Variants in WDR59 observed in about 807,000 individuals in gnomAD.
The protein encoded by WDR59 is WD repeat domain 59, also known as GATOR2 complex protein WDR59.
A neutral mutation model predicts 131.2 loss-of-function variants in WDR59; 100 were observed. The ratio of observed to expected loss-of-function variants is 0.76; its 90% confidence interval spans 0.65 to 0.90. The LOEUF is 0.90. WDR59 is among the 40% of genes least tolerant of loss of function. The pLI, the probability that WDR59 is intolerant of heterozygous loss-of-function variation, is 0.00. For synonymous variants in WDR59, 601 were observed against 466.2 expected, an observed-to-expected ratio of 1.29 and a Z score of -3.72; for missense variants, 1,203 against 1,262.2, an observed-to-expected ratio of 0.95 and a Z score of 0.71.
rs545755207 is a variant in WDR59 at position 74,965,036 on chromosome 16, C to T, written c.104+737G>A. Among the ~76,000 whole-genome samples, 7 of 152,074 alleles carry T rather than the reference C, an allele frequency of 4.6e-5. No individual in the cohort carries two copies. In the East Asian group the frequency reaches 9.7e-4, roughly 21 times the overall value. On this transcript the variant is annotated intron_variant, in intron 2 of 25. Coordinates refer to ENST00000262144, the MANE Select transcript of WDR59 (RefSeq NM_030581.4). ...CCGAGATCGCGCCACTGCACTCCAGCCTGGGCGACAAGAGCAAAACTCCGT... is the reference window on the plus strand; with the variant it reads ...CCGAGATCGCGCCACTGCACTCCAGTCTGGGCGACAAGAGCAAAACTCCGT...
chr16:74,911,496 G>A (rs713257), intron 14 of WDR59, among the ~76,000 whole-genome samples: 3 of 152,106 alleles, frequency 2.0e-5, no homozygotes, highest in Middle Eastern at 3.4e-3. Flanking sequence ...CAGACTGAAC[G>A]GGTATGAAGA....
In WDR59 at chr16:74,915,894, C is replaced by G. The variant is rs1034412284; in HGVS notation, c.1200G>C (p.Val400=). The change falls in exon 13 of 26, where the codon GTG becomes GTC. Residue 400 remains valine, a synonymous_variant. Transcript: ENST00000262144. Reference sequence around the variant, plus strand: ...CCTCCACATTGACATTCCGGATTTGCACATTGATCAGGGAGAATTCCTGCT... The same window carrying G: ...CCTCCACATTGACATTCCGGATTTGGACATTGATCAGGGAGAATTCCTGCT... The part of the protein sequence containing the change: ...TLQQEFSLIN[V]QIRNVNVEMD... 2 of 1,614,222 alleles carry G rather than the reference C, an allele frequency of 1.2e-6. No individual in the cohort carries two copies. Among genetic ancestry groups the G allele is most frequent in the Non-Finnish European group, 1.7e-6 (2 of 1,180,036 alleles).
intron 10 of WDR59, among the ~76,000 whole-genome samples, chr16:74,918,968 C>T (rs1319156796): frequency 2.0e-5 from 3 of 152,192 alleles, no homozygotes; most frequent in African/African-American, 7.2e-5. Context: ...CGGCTTGTTA[C>T]AAGTGCCACC....
In WDR59 at chr16:74,917,997, A is replaced by C. The variant is rs765986345; in HGVS notation, c.898T>G (p.Tyr300Asp). 4.3e-6 allele frequency: 7 copies of C among 1,613,888 alleles called. No individual in the cohort carries two copies. The highest frequency in any genetic ancestry group is 5.9e-6 in the Non-Finnish European group (7 of 1,179,868). Residue 300 changes from tyrosine (Y) to aspartate (D), a missense_variant, in exon 11 of 26, where the codon TAT (tyrosine) becomes GAT (aspartate). Transcript: ENST00000262144. Reference protein sequence around the residue: ...WRKQKEGSKDYQLVTWSRDQT... With the variant: ...WRKQKEGSKDDQLVTWSRDQT... The stretch of plus-strand genomic sequence containing the variant: ...TCCCGGGACCACGTCACCAGTTGAT[A>C]GTCCTTGGACCCTAGAAATCACCAA...
chr16:74,925,468 C>T (rs577903383), intron 8 of WDR59, among the ~76,000 whole-genome samples: 8 of 146,856 alleles, frequency 5.4e-5, no homozygotes, highest in South Asian at 2.2e-4. Flanking sequence ...TGCTTGAACC[C>T]GGGAGGCAGA....
intron 15 of WDR59, 65 bp from the exon 16 acceptor site, chr16:74,909,722 G>C: frequency 6.4e-7 from 1 of 1,553,926 alleles, no homozygotes; most frequent in Non-Finnish European, 8.7e-7. Context: ...ACAAAATAAA[G>C]ACCCAGTATG....
chr16:74,924,409 C>T (rs999263713), intron 8 of WDR59, among the ~76,000 whole-genome samples: 7 of 152,082 alleles, frequency 4.6e-5, no homozygotes, highest in Non-Finnish European at 7.4e-5. Context: ...TTTTTTTTCC[C>T]ATTTAATCTT....
In WDR59 at chr16:74,909,647, TC is replaced by T; in HGVS notation, c.1495del (p.Asp499ThrfsTer24). On this transcript the variant is annotated frameshift_variant, in exon 16 of 26. Transcript: ENST00000262144. LOFTEE classifies it high-confidence loss of function. ...SCLESFVNQE[D>X]SASSNPFALP... The stretch of plus-strand genomic sequence containing the variant: ...TGCAAACGGGTTGCTGGAAGCGCTG[TC>T]TTCCTGGTTCTGAAATTTAAAAATC... 12 of 1,568,592 alleles carry T rather than the reference TC, an allele frequency of 7.7e-6. No individual in the cohort carries two copies. Among genetic ancestry groups the T allele is most frequent in the Non-Finnish European group, 1.0e-5 (12 of 1,160,896 alleles).
chr16:74,875,064 G>C (rs537895852), intron 25 of WDR59, among the ~76,000 whole-genome samples: 4 of 152,354 alleles, frequency 2.6e-5, no homozygotes, highest in African/African-American at 9.6e-5. Context: ...TGGCACGCAG[G>C]AGGTGTTGAA....
intron 20 of WDR59, 48 bp downstream of exon 20, chr16:74,892,436 T>C (rs1403802597): frequency 6.8e-7 from 1 of 1,467,434 alleles, no homozygotes; most frequent in Non-Finnish European, 9.4e-7. Flanking sequence ...AAAAACAATT[T>C]GCTCCTGAAG....
At chr16:74,941,653 C>A (rs533091959) in intron 7 of WDR59, among the ~76,000 whole-genome samples, 1 of 150,834 alleles carries the variant, frequency 6.6e-6, no homozygotes, top group South Asian at 2.1e-4. Context: ...AAGGTCCCCA[C>A]TGTACTCCAG....
chr16:74,930,209 T>C (rs1462754626), intron 8 of WDR59, among the ~76,000 whole-genome samples: 1 of 152,176 alleles, frequency 6.6e-6, no homozygotes. Flanking sequence ...AGAATGTTTA[T>C]AACAGAAAAA....
At chr16:74,968,487 G>A (rs531857371) in intron 1 of WDR59, among the ~76,000 whole-genome samples, 3 of 152,264 alleles carry the variant, frequency 2.0e-5, no homozygotes, top group East Asian at 1.9e-4. Context: ...TTGGGAGGCC[G>A]AGGCAGGCGG....
At chr16:74,957,801 GA>G (rs561863823) in intron 2 of WDR59, among the ~76,000 whole-genome samples, 87 of 152,138 alleles carry the variant, frequency 5.7e-4, no homozygotes, top group Admixed American at 2.4e-3. Flanking sequence ...CAAAAATGAA[GA>G]AAAAGATTAA....
At chr16:74,958,212 A>T (rs2033384193) in intron 2 of WDR59, among the ~76,000 whole-genome samples, 1 of 152,148 alleles carries the variant, frequency 6.6e-6, no homozygotes, top group Non-Finnish European at 1.5e-5. Context: ...CTATAATAAG[A>T]GTAAAGAAGA....
intron 8 of WDR59, among the ~76,000 whole-genome samples, chr16:74,934,665 C>G (rs1449671435): frequency 6.6e-6 from 1 of 152,166 alleles, no homozygotes; most frequent in Admixed American, 6.5e-5. Context: ...GAAGAAATAT[C>G]AGGGGCCAGG....
chr16:74,939,692 A>G (rs1169784328), intron 7 of WDR59, among the ~76,000 whole-genome samples: 1 of 152,212 alleles, frequency 6.6e-6, no homozygotes, highest in Admixed American at 6.5e-5. Context: ...TATGAGGATA[A>G]GAGTGCAGTC....
intron 4 of WDR59, 130 bp downstream of exon 4, chr16:74,951,328 C>A: frequency 1.2e-6 from 1 of 858,262 alleles, no homozygotes. Context: ...ATGCTAATAA[C>A]CCGCTGACCA....
intron 1 of WDR59, among the ~76,000 whole-genome samples, chr16:74,979,861 T>C (rs1006246048): frequency 4.9e-5 from 4 of 81,280 alleles, no homozygotes; most frequent in Non-Finnish European, 1.2e-4. Context: ...TTTTTTTTTT[T>C]TCTTTGAGAC....
Sources: gnomAD v4.1 joint callset for allele counts (sites outside exome capture counted in the v4.1 genomes callset) on GRCh38, gnomAD v4.1.1 for gene constraint, MANE v1.5 for transcripts, NCBI Gene and HGNC (gene_info 2026-07-23, HGNC 2026-07-21) for gene names.